Variants in DPP10 observed in about 807,000 individuals in gnomAD.
DPP10 encodes the protein dipeptidyl peptidase like 10, also known as inactive dipeptidyl peptidase 10.
A neutral mutation model predicts 120.9 loss-of-function variants in DPP10; 33 were observed. That is an observed-to-expected ratio of 0.27 (90% confidence interval 0.21 to 0.37). The LOEUF is 0.37. Among genes scored for constraint, DPP10 ranks in the 10% least tolerant of loss-of-function variants. The probability of loss-of-function intolerance (pLI) is 1.00; values close to 1 mark genes in which losing one functional copy is unlikely to be tolerated. For synonymous variants in DPP10, 337 were observed against 326.1 expected (o/e 1.03, Z -0.36); for missense variants, 816 against 942.8 (o/e 0.87, Z 1.76).
At chr2:114,749,978 T>C (rs1469661117) in intron 1 of DPP10, among the ~76,000 whole-genome samples, 1 of 152,180 alleles carries the variant, frequency 6.6e-6, no homozygotes, top group Admixed American at 6.5e-5. Context: ...CAGAGAAACA[T>C]GGGCATAAAA....
At chr2:114,765,537 G>C (rs551054381) in intron 1 of DPP10, among the ~76,000 whole-genome samples, 1 of 152,132 alleles carries the variant, frequency 6.6e-6, no homozygotes, top group Non-Finnish European at 1.5e-5. Context: ...CCGAGGACAG[G>C]CTTCAAAAGA....
At chr2:114,529,516 A>C (rs1685780246) in intron 1 of DPP10, among the ~76,000 whole-genome samples, 1 of 152,052 alleles carries the variant, frequency 6.6e-6, no homozygotes, top group Non-Finnish European at 1.5e-5. Context: ...TGTCACAGTC[A>C]CTGGGTTCCA....
intron 1 of DPP10, among the ~76,000 whole-genome samples, chr2:115,068,751 TG>T (rs1288197587): frequency 1.3e-5 from 2 of 152,152 alleles, no homozygotes; most frequent in Non-Finnish European, 2.9e-5. Context: ...ATGTAGACAG[TG>T]TGAGATAAGG....
At chr2:115,426,621 C>G (rs1045553667) in intron 3 of DPP10, among the ~76,000 whole-genome samples, 7 of 149,854 alleles carry the variant, frequency 4.7e-5, no homozygotes, top group Non-Finnish European at 8.9e-5. Flanking sequence ...ACATGAGATT[C>G]TCACCAGGTG....
intron 4 of DPP10, among the ~76,000 whole-genome samples, chr2:115,505,928 T>G (rs2148815647): frequency 1.3e-5 from 2 of 152,114 alleles, no homozygotes; most frequent in Middle Eastern, 6.8e-3. Context: ...TCCATATATA[T>G]CAGAACATCA....
At chr2:115,490,047 C>T (rs1011993519) in intron 3 of DPP10, among the ~76,000 whole-genome samples, 1 of 152,170 alleles carries the variant, frequency 6.6e-6, no homozygotes, top group South Asian at 2.1e-4. Context: ...TTTGACCCCA[C>T]TGATGACATG....
chr2:115,709,549 T>C (rs751214391), intron 7 of DPP10, among the ~76,000 whole-genome samples: 10 of 152,068 alleles, frequency 6.6e-5, no homozygotes, highest in South Asian at 4.1e-4. Context: ...ATATCCTACC[T>C]TTCATAGACA....
intron 1 of DPP10, among the ~76,000 whole-genome samples, chr2:114,862,663 A>G (rs1047954515): frequency 3.9e-5 from 6 of 152,232 alleles, no homozygotes; most frequent in African/African-American, 1.4e-4. Context: ...TATATATCAG[A>G]AATAAATGTG....
intron 1 of DPP10, among the ~76,000 whole-genome samples, chr2:115,177,837 C>T (rs1183679081): frequency 2.0e-5 from 3 of 152,114 alleles, no homozygotes; most frequent in East Asian, 1.9e-4. Context: ...GATCTCTGCT[C>T]GCTGCAAGCT....
chr2:115,109,608 G>C (rs2049117526), intron 1 of DPP10, among the ~76,000 whole-genome samples: 1 of 152,120 alleles, frequency 6.6e-6, no homozygotes, highest in Non-Finnish European at 1.5e-5. Flanking sequence ...AAGCTAGAGA[G>C]AATTTCAGTT....
intron 1 of DPP10, among the ~76,000 whole-genome samples, chr2:115,213,072 G>A (rs1486901212): frequency 2.0e-5 from 3 of 152,052 alleles, no homozygotes; most frequent in East Asian, 3.9e-4. Flanking sequence ...CCTGGTAAGG[G>A]CTATAACATG....
At chr2:115,333,311 G>GTGTGTCTCTGCATGTGAGA (rs1348860725) in intron 2 of DPP10, among the ~76,000 whole-genome samples, 3 of 152,080 alleles carry the variant, frequency 2.0e-5, no homozygotes, top group Non-Finnish European at 4.4e-5. Context: ...TTGAGCCTAT[G>GTGTGTCTCTGCATGTGAGA]TGTGTCTCTG....
intron 3 of DPP10, among the ~76,000 whole-genome samples, chr2:115,378,485 A>C (rs953786219): frequency 6.6e-5 from 10 of 151,944 alleles, no homozygotes; most frequent in Non-Finnish European, 1.2e-4. Flanking sequence ...ATATAGAATC[A>C]TGTCATCTGC....
At chr2:114,811,771 A>C (rs1258484171) in intron 1 of DPP10, among the ~76,000 whole-genome samples, 2 of 152,024 alleles carry the variant, frequency 1.3e-5, no homozygotes, top group Non-Finnish European at 2.9e-5. Flanking sequence ...GCTTCTTAAC[A>C]CTGGAGTTTA....
intron 1 of DPP10, among the ~76,000 whole-genome samples, chr2:115,099,197 C>G (rs968321581): frequency 5.3e-5 from 8 of 151,620 alleles, no homozygotes; most frequent in African/African-American, 1.7e-4. Context: ...GCCTGTAATC[C>G]CAGCTACTCA....
At chr2:115,300,081 T>C (rs1490909783) in intron 1 of DPP10, among the ~76,000 whole-genome samples, 1 of 152,108 alleles carries the variant, frequency 6.6e-6, no homozygotes. Context: ...TTATAAATGC[T>C]GTTTTTATAT....
chr2:114,700,541 T>C (rs1700326547), intron 1 of DPP10, among the ~76,000 whole-genome samples: 1 of 152,124 alleles, frequency 6.6e-6, no homozygotes, highest in Admixed American at 6.6e-5. Flanking sequence ...CTTCTATTGT[T>C]TCCCCAATTT....
At chr2:115,292,621 T>G (rs188088352) in intron 1 of DPP10, among the ~76,000 whole-genome samples, 252 of 152,272 alleles carry the variant, frequency 1.7e-3, no homozygotes, top group Non-Finnish European at 3.0e-3. Flanking sequence ...GCCATGCTGC[T>G]GTTTCCTCCA....
At chr2:115,463,610 A>C (rs533451195) in intron 3 of DPP10, among the ~76,000 whole-genome samples, 1 of 152,222 alleles carries the variant, frequency 6.6e-6, no homozygotes, top group African/African-American at 2.4e-5. Flanking sequence ...TTTTTCTTTA[A>C]TGGATTTGGT....
Sources: allele counts gnomAD v4.1 joint callset (sites outside exome capture counted in the v4.1 genomes callset), GRCh38; gene constraint gnomAD v4.1.1; transcripts MANE v1.5; gene names NCBI Gene and HGNC (gene_info 2026-07-23, HGNC 2026-07-21).